The following TNS1 variants were observed in gnomAD, a reference collection of about 807,000 sequenced individuals.
TNS1 encodes the protein tensin 1, also known as tensin-1.
A neutral mutation model predicts 168.6 loss-of-function variants in TNS1; 62 were observed. That is an observed-to-expected ratio of 0.37 (90% CI 0.30 to 0.45). TNS1 has a LOEUF of 0.45. Among genes scored for constraint, TNS1 ranks in the 20% least tolerant of loss-of-function variants. The pLI, the probability that TNS1 is intolerant of heterozygous loss-of-function variation, is 1.00. For synonymous variants in TNS1, 934 were observed against 933.2 expected (o/e 1.00, Z -0.02); for missense variants, 2,240 against 2,339.4 (o/e 0.96, Z 0.88).
intron 1 of TNS1, among the ~76,000 whole-genome samples, chr2:217,991,482 C>T (rs887477495): frequency 1.3e-5 from 2 of 152,260 alleles, no homozygotes. Flanking sequence ...TCCCCTCGCC[C>T]CAAGGTTAAT....
intron 3 of TNS1, among the ~76,000 whole-genome samples, chr2:217,970,412 A>G (rs1259925675): frequency 2.6e-5 from 4 of 152,182 alleles, no homozygotes; most frequent in Non-Finnish European, 5.9e-5. Flanking sequence ...CACCCAAGAG[A>G]AATGAAAACA....
In TNS1 at chr2:217,831,639, TG is replaced by T. The variant is rs1003039261; in HGVS notation, c.3281-93del. The stretch of plus-strand genomic sequence containing the variant: ...ACGTGAGGGCACGCTTAGTGAGGGC[TG>T]GGGGGCTGGAGACGGTGCCGAGGAA... On this transcript the variant is annotated intron_variant, in intron 21 of 32. Coordinates refer to ENST00000682258, the MANE Select transcript of TNS1 (RefSeq NM_001387777.1). The T allele has an allele frequency of 5.2e-5, 55 of 1,053,766 alleles. 1 individual carries two copies. The highest frequency in any genetic ancestry group is 1.5e-4 in the Admixed American group (4 of 27,222). 65.3% of individuals were successfully genotyped at this position (1,053,766 alleles called of 1,614,324 possible).
upstream of TNS1, among the ~76,000 whole-genome samples, chr2:218,013,965 C>T (rs1282801299): frequency 1.3e-5 from 2 of 152,170 alleles, no homozygotes; most frequent in Non-Finnish European, 2.9e-5. Flanking sequence ...GCCCCTTATT[C>T]CCCCAGAGAA....
chr2:217,817,600 G>C lies in TNS1; in HGVS notation c.4642+90C>G. 2.6e-6 allele frequency: 3 copies of C among 1,172,784 alleles called. No homozygotes were observed. The East Asian group carries it at 7.2e-5, about 28-fold the overall frequency. The allele number at this position is 1,172,784 out of a possible 1,614,324, so 72.6% of individuals were successfully genotyped here. Reference sequence around the variant, plus strand: ...ATTCACCCAGGGTCGTCTGCCAAGAGAATGTCAGAATAGACACTGGGATAG... The same window carrying C: ...ATTCACCCAGGGTCGTCTGCCAAGACAATGTCAGAATAGACACTGGGATAG... On this transcript the variant is annotated intron_variant, in intron 24 of 32. Coordinates refer to ENST00000682258, the MANE Select transcript of TNS1 (RefSeq NM_001387777.1).
At chr2:217,987,364 C>T (rs1044000928) in intron 2 of TNS1, among the ~76,000 whole-genome samples, 5 of 152,184 alleles carry the variant, frequency 3.3e-5, no homozygotes, top group Non-Finnish European at 4.4e-5. Flanking sequence ...ACATCTATGA[C>T]GCCCGCATGT....
At chr2:217,964,742 A>G (rs6719749) in intron 3 of TNS1, among the ~76,000 whole-genome samples, 9,652 of 152,236 alleles carry the variant, frequency 0.063, 929 homozygotes, top group African/African-American at 0.2. Flanking sequence ...TTCCTTGAAC[A>G]GGACCTAGTC....
At chr2:217,929,856 G>C (rs183960951) in intron 3 of TNS1, among the ~76,000 whole-genome samples, 1 of 152,054 alleles carries the variant, frequency 6.6e-6, no homozygotes, top group African/African-American at 2.4e-5. Context: ...ATTAATCATA[G>C]AGATGATTGC....
intron 18 of TNS1, chr2:217,859,714 T>C (rs372635003): frequency 6.5e-7 from 1 of 1,532,306 alleles, no homozygotes; most frequent in Non-Finnish European, 8.7e-7. Flanking sequence ...GTGGAAATCA[T>C]GAATAGCAGA....
At position 217,907,733 on chromosome 2, in the gene TNS1, G is replaced by A. The variant is rs565573701; in HGVS notation, c.229-482C>T. On this transcript the variant is annotated intron_variant, in intron 4 of 32. Coordinates refer to ENST00000682258, the MANE Select transcript of TNS1 (RefSeq NM_001387777.1). The stretch of plus-strand genomic sequence containing the variant: ...GCTCTAAGTGAAATCCCAGCAGCCT[G>A]AAATAGTGCAGCCAGCCAGTCTCAT... 4.6e-5 allele frequency among the ~76,000 whole-genome samples: 7 copies of A among 152,318 alleles called. No homozygotes were observed. In the East Asian group the frequency reaches 9.6e-4, roughly 21 times the overall value.
upstream of TNS1, chr2:218,010,533 T>G (rs1040138628): frequency 7.7e-5 from 14 of 181,758 alleles, no homozygotes; most frequent in East Asian, 2.6e-4. Context: ...CGCCTCCTGC[T>G]TCCCGGGCGC....
chr2:217,814,536 C>G (rs1005424923), intron 25 of TNS1, among the ~76,000 whole-genome samples: 1 of 152,226 alleles, frequency 6.6e-6, no homozygotes, highest in Admixed American at 6.5e-5. Context: ...CTGTCCCACA[C>G]CCAGCCTTCC....
intron 2 of TNS1, among the ~76,000 whole-genome samples, chr2:217,989,038 C>T (rs755115435): frequency 1.4e-4 from 22 of 152,308 alleles, no homozygotes; most frequent in Non-Finnish European, 2.8e-4. Flanking sequence ...GAGAGAAAGA[C>T]TCATGAGCAA....
At chr2:217,827,657 T>A (rs1943816657) in intron 22 of TNS1, among the ~76,000 whole-genome samples, 1 of 152,210 alleles carries the variant, frequency 6.6e-6, no homozygotes, top group African/African-American at 2.4e-5. Context: ...CATTACCTCC[T>A]AACTGTGACC....
intron 18 of TNS1, among the ~76,000 whole-genome samples, chr2:217,857,164 C>G (rs1948234858): frequency 6.6e-6 from 1 of 152,186 alleles, no homozygotes; most frequent in South Asian, 2.1e-4. Context: ...CTGCTCCAGG[C>G]CCTCTGGGGG....
At chr2:217,966,630 C>G (rs1469310657) in intron 3 of TNS1, among the ~76,000 whole-genome samples, 2 of 152,184 alleles carry the variant, frequency 1.3e-5, no homozygotes, top group Non-Finnish European at 2.9e-5. Context: ...ACCCCAGATG[C>G]ACTGAGTCAA....
At chr2:218,014,915 G>GGAAA (rs1958743521), upstream of TNS1, among the ~76,000 whole-genome samples, 1 of 80,762 alleles carries the variant, frequency 1.2e-5, no homozygotes, top group Non-Finnish European at 3.1e-5. Context: ...AAGGAAGGAA[G>GGAAA]GAAGGAAGGC....
At chr2:218,022,013 A>G (rs1398103903) in intron 1 of TNS1, among the ~76,000 whole-genome samples, 2 of 151,942 alleles carry the variant, frequency 1.3e-5, no homozygotes, top group African/African-American at 4.8e-5. Flanking sequence ...AGGCTGAAAT[A>G]CCGGGAGGGC....
chr2:217,813,742 C>A lies in TNS1; in HGVS notation c.4804G>T (p.Gly1602Trp). 6.2e-7 allele frequency: 1 copy of A among 1,613,968 alleles called. No individual in the cohort carries two copies. The highest frequency in any genetic ancestry group is 8.5e-7 in the Non-Finnish European group (1 of 1,179,920). The change falls in exon 26 of 33, where the codon GGG becomes TGG. Residue 1602 changes from glycine (G) to tryptophan (W), a missense_variant. Transcript: ENST00000682258. This position sits in a 1 kb window ranked among gnomAD's most constrained non-coding sequence, Gnocchi z 4.0. ...GGCGAAGACACCTTCATGGCCAGCC[C>A]GTACGCGCCTCGGAAGGAGTGACTG... The part of the protein sequence containing the change: ...RDSHSFRGAY[G>W]LAMKVSSPPP...
At chr2:217,882,228 G>A (rs1950750830) in intron 17 of TNS1, 118 bp downstream of exon 17, 2 of 685,120 alleles carry the variant, frequency 2.9e-6, no homozygotes, top group Non-Finnish European at 5.1e-6. Context: ...CTTTACTGAT[G>A]GCCTGCCTCT....
Sources: gnomAD v4.1 joint callset for allele counts (sites outside exome capture counted in the v4.1 genomes callset) on GRCh38, gnomAD v4.1.1 for gene constraint, Gnocchi (gnomAD v3.1) non-coding constraint, MANE v1.5 for transcripts, NCBI Gene and HGNC (gene_info 2026-07-23, HGNC 2026-07-21) for gene names.